Variants in GRIK3 observed in about 807,000 individuals in gnomAD.
GRIK3 encodes the protein glutamate receptor ionotropic, kainate 3.
In GRIK3, 29 loss-of-function variants were observed where a neutral mutation model predicts 102.5. The ratio of observed to expected loss-of-function variants is 0.28; its 90% confidence interval spans 0.21 to 0.39. The LOEUF is 0.39. Ranked by LOEUF, GRIK3 falls within the 10% of genes least tolerant of loss-of-function variation. The pLI is 1.00. For synonymous variants in GRIK3, 511 were observed against 504.9 expected, an observed-to-expected ratio of 1.01 and a Z score of -0.16; for missense variants, 908 against 1,252.4, an observed-to-expected ratio of 0.73 and a Z score of 4.15.
rs528071376 is a variant in GRIK3 at position 37,006,640 on chromosome 1, C to T, written c.115+27354G>A. Among the ~76,000 whole-genome samples, 6 of 152,356 alleles carry T rather than the reference C, an allele frequency of 3.9e-5. 1 individual carries two copies. The highest frequency in any genetic ancestry group is 1.4e-4 in the African/African-American group (6 of 41,590). On this transcript the variant is annotated intron_variant, in intron 1 of 15. Transcript: ENST00000373091. ...AATGTAAATCCCTCTGGACAAAGGG[C>T]AGTCTCCATGCAAACCAGGCACGTG...
chr1:36,839,214 A>G (rs1640418878), intron 10 of GRIK3, among the ~76,000 whole-genome samples: 1 of 152,216 alleles, frequency 6.6e-6, no homozygotes. Flanking sequence ...TGACAGCCTC[A>G]GAGCCTACCC....
intron 1 of GRIK3, among the ~76,000 whole-genome samples, chr1:36,991,732 C>A (rs1294007061): frequency 6.6e-6 from 1 of 152,214 alleles, no homozygotes; most frequent in African/African-American, 2.4e-5. Context: ...ATTTGCTTTC[C>A]CTGGCATCTG....
At chr1:36,986,636 G>C (rs1342157370) in intron 1 of GRIK3, among the ~76,000 whole-genome samples, 1 of 152,240 alleles carries the variant, frequency 6.6e-6, no homozygotes, top group Non-Finnish European at 1.5e-5. Context: ...TGAAGGAAGA[G>C]AAGTGACAAG....
chr1:37,006,284 C>T (rs144665077), intron 1 of GRIK3, among the ~76,000 whole-genome samples: 1 of 152,214 alleles, frequency 6.6e-6, no homozygotes, highest in Non-Finnish European at 1.5e-5. Flanking sequence ...GCCCTCCAGG[C>T]CTTAGCCCTC....
intron 1 of GRIK3, among the ~76,000 whole-genome samples, chr1:36,972,552 G>A (rs538710074): frequency 5.9e-5 from 9 of 152,264 alleles, no homozygotes; most frequent in South Asian, 2.1e-4. Flanking sequence ...AGGACTTCCC[G>A]TTGCCACTCT....
chr1:36,979,186 T>C (rs576632752), intron 1 of GRIK3, among the ~76,000 whole-genome samples: 3 of 152,360 alleles, frequency 2.0e-5, no homozygotes, highest in African/African-American at 4.8e-5. Flanking sequence ...GTCATTGCAA[T>C]AGAAGAGGGC....
At chr1:36,893,772 A>G (rs894454326) in intron 1 of GRIK3, among the ~76,000 whole-genome samples, 1 of 152,244 alleles carries the variant, frequency 6.6e-6, no homozygotes, top group Non-Finnish European at 1.5e-5. Context: ...CCAGAGAAAT[A>G]GTAAACTATT....
chr1:36,877,196 C>A (rs909562440), intron 3 of GRIK3, among the ~76,000 whole-genome samples: 1 of 152,184 alleles, frequency 6.6e-6, no homozygotes, highest in Non-Finnish European at 1.5e-5. Flanking sequence ...GATAAAGCAC[C>A]TTTTCCTCTG....
chr1:37,018,516 T>C (rs1222474216), intron 1 of GRIK3, among the ~76,000 whole-genome samples: 1 of 152,180 alleles, frequency 6.6e-6, no homozygotes, highest in African/African-American at 2.4e-5. Context: ...TGGTCCTTTG[T>C]CTCTATAAAC....
chr1:36,982,099 A>T (rs1192422803), intron 1 of GRIK3, among the ~76,000 whole-genome samples: 1 of 152,204 alleles, frequency 6.6e-6, no homozygotes. Flanking sequence ...GCCACAGCTC[A>T]GCCCACTCAG....
chr1:36,860,158 G>A (rs940105982), intron 5 of GRIK3, 141 bp from the exon 6 acceptor site: 80 of 617,812 alleles, frequency 1.3e-4, no homozygotes, highest in Non-Finnish European at 2.1e-4. Flanking sequence ...GGGGGTGCGG[G>A]ATATCGGGGT....
intron 1 of GRIK3, among the ~76,000 whole-genome samples, chr1:36,984,680 G>A (rs1642286356): frequency 6.6e-6 from 1 of 152,238 alleles, no homozygotes; most frequent in African/African-American, 2.4e-5. Flanking sequence ...AAAGAAGGTG[G>A]TAAATTCCTG....
At chr1:36,832,375 C>G (rs148716449) in intron 10 of GRIK3, among the ~76,000 whole-genome samples, 97 of 152,274 alleles carry the variant, frequency 6.4e-4, no homozygotes, top group African/African-American at 2.3e-3. Flanking sequence ...AGCACATGGC[C>G]GTTTACAAGA....
Position 36,866,418 on chromosome 1 carries a change from CCTT to C in GRIK3, c.786+3327_786+3329del, listed in dbSNP as rs538766405. Among the ~76,000 whole-genome samples the C allele has an allele frequency of 3.3e-4, 50 of 152,316 alleles. 1 individual carries two copies. In the East Asian group the frequency reaches 7.7e-3, roughly 24 times the overall value. ...GCTGCGAAAAAATCCTTGCTCTGCT[CCTT>C]TCTTGCAGAGTGACTTTGAGCCTCA... is the stretch of plus-strand genomic sequence containing the variant. On this transcript the variant is annotated intron_variant, in intron 5 of 15. Coordinates refer to ENST00000373091, the MANE Select transcript of GRIK3 (RefSeq NM_000831.4).
chr1:36,797,096 G>A lies in GRIK3; in HGVS notation c.*4755C>T, dbSNP rs1378499253. 1 of 151,478 alleles carries A rather than the reference G, an allele frequency of 6.6e-6. No individual in the cohort carries two copies. The highest frequency in any genetic ancestry group is 1.5e-5 in the Non-Finnish European group (1 of 67,942). The allele number at this position is 151,478 out of a possible 1,614,324, so 9.4% of individuals were successfully genotyped here. A position where few individuals can be genotyped will look rare whatever the true frequency, so the allele number is the denominator to read the frequency against. On this transcript the variant is annotated 3_prime_UTR_variant, in exon 16 of 16. Coordinates refer to ENST00000373091, the MANE Select transcript of GRIK3 (RefSeq NM_000831.4). ...TCTGCCCTCTTCTTCAGGGTCTGGA[G>A]CTCTGATGTGTGGAGGGCCTTCGCC...
At chr1:36,888,611 G>A (rs780386837) in intron 2 of GRIK3, among the ~76,000 whole-genome samples, 47 of 152,154 alleles carry the variant, frequency 3.1e-4, no homozygotes, top group Non-Finnish European at 5.6e-4. Context: ...CATGGTCACA[G>A]GAACCAGCCA....
intron 1 of GRIK3, among the ~76,000 whole-genome samples, chr1:36,965,881 T>C (rs1642072697): frequency 6.6e-6 from 1 of 152,196 alleles, no homozygotes; most frequent in Non-Finnish European, 1.5e-5. Context: ...GCTCTGTAAT[T>C]TACAAGACCA....
At chr1:37,017,367 CTT>C (rs1234749015) in intron 1 of GRIK3, among the ~76,000 whole-genome samples, 1 of 42,336 alleles carries the variant, frequency 2.4e-5, no homozygotes, top group African/African-American at 1.3e-4. Flanking sequence ...GACCCTGTCT[CTT>C]AAAAAAAAAA....
rs3913434 is a variant in GRIK3, at chr1:36,983,994, C to T, written c.115+50000G>A. 2.9e-3 allele frequency among the ~76,000 whole-genome samples: 445 copies of T among 152,228 alleles called. 11 individuals carry two copies. In the East Asian group the frequency reaches 0.037, roughly 13 times the overall value. ...GGTGACTTTGACACAGAGCAGCACC[C>T]AATAAGAATCCAAAGAGTGAATTAG... On this transcript the variant is annotated intron_variant, in intron 1 of 15. Transcript: ENST00000373091.
Sources: gnomAD v4.1 joint callset for allele counts (sites outside exome capture counted in the v4.1 genomes callset) on GRCh38, gnomAD v4.1.1 for gene constraint, MANE v1.5 for transcripts, NCBI Gene and HGNC (gene_info 2026-07-23, HGNC 2026-07-21) for gene names.